Variants in SLC2A9 observed in about 807,000 individuals in gnomAD.
SLC2A9 encodes the protein solute carrier family 2 member 9, also known as solute carrier family 2, facilitated glucose transporter member 9.
In SLC2A9, 39 loss-of-function variants were observed where a neutral mutation model predicts 50.6. The observed-to-expected ratio is 0.77, with a 90% CI of 0.60 to 1.01. SLC2A9 has a LOEUF of 1.01. Among genes scored for constraint, SLC2A9 ranks in the 50% least tolerant of loss-of-function variants. The pLI, the probability that SLC2A9 is intolerant of heterozygous loss-of-function variation, is 0.00. For missense variants in SLC2A9, 686 were observed against 677.6 expected, an observed-to-expected ratio of 1.01 and a Z score of -0.14; for synonymous variants, 324 against 276.9, an observed-to-expected ratio of 1.17 and a Z score of -1.69.
chr4:9,771,324 C>T (rs1162142756), exon 2 of SLC2A9: 4 of 391,232 alleles, frequency 1.0e-5, no homozygotes, highest in African/African-American at 8.3e-5. Flanking sequence ...ACTCAGGTAT[C>T]CAGGCACATT....
At chr4:9,843,454 A>T (rs1728423224) in intron 10 of SLC2A9, among the ~76,000 whole-genome samples, 1 of 152,052 alleles carries the variant, frequency 6.6e-6, no homozygotes. Flanking sequence ...TGGGGGTCTT[A>T]TGCTAAAGTT....
At position 9,799,700 on chromosome 4, in the gene SLC2A9, C is replaced by CCCT. The variant is rs1553813199; in HGVS notation, n.421-460_421-459insAGG. Among the ~76,000 whole-genome samples the CCCT allele has an allele frequency of 3.2e-5, 3 of 93,636 alleles. 1 individual carries two copies. The East Asian group carries it at 9.9e-4, about 31-fold the overall frequency. The allele number at this position is 93,636 out of a possible 152,430, so 61.4% of individuals were successfully genotyped here. A position where few individuals can be genotyped will look rare whatever the true frequency, so the allele number is the denominator to read the frequency against. ...AGCTCCATTCCAATTGTACCCCCCCCCCACCCAACTTCTACACCAGTTTTG... is the reference window on the plus strand; with the variant it reads ...AGCTCCATTCCAATTGTACCCCCCCCCCTCCACCCAACTTCTACACCAGTTTTG... On this transcript the variant is annotated intron_variant and non_coding_transcript_variant, in intron 3 of 3. Coordinates refer to the SLC2A9 transcript ENST00000503280.
At chr4:9,936,960 G>A (rs1487124593) in intron 6 of SLC2A9, among the ~76,000 whole-genome samples, 1 of 152,190 alleles carries the variant, frequency 6.6e-6, no homozygotes, top group Non-Finnish European at 1.5e-5. Flanking sequence ...GAGACTCAAA[G>A]CACAGGGATG....
intron 1 of SLC2A9, among the ~76,000 whole-genome samples, chr4:10,026,507 C>T (rs7669090): frequency 0.76 from 115,938 of 152,044 alleles, 44,591 homozygotes; most frequent in Non-Finnish European, 0.82. Context: ...ATTCCACCAC[C>T]ACATCGATGC....
At chr4:9,782,835 C>A (rs538877978) in intron 3 of SLC2A9, 5 of 1,612,858 alleles carry the variant, frequency 3.1e-6, no homozygotes, top group Admixed American at 1.7e-5. Flanking sequence ...GCAGAGCACG[C>A]GCAGAGCTGC....
At chr4:9,929,374 C>T (rs1416547528) in intron 6 of SLC2A9, among the ~76,000 whole-genome samples, 4 of 152,290 alleles carry the variant, frequency 2.6e-5, no homozygotes, top group East Asian at 1.9e-4. Flanking sequence ...ATCAGTTCTG[C>T]GGGGCTTCTG....
intron 6 of SLC2A9, among the ~76,000 whole-genome samples, 182 bp from the exon 7 acceptor site, chr4:9,920,754 C>T (rs1462210850): frequency 3.3e-5 from 5 of 152,268 alleles, no homozygotes; most frequent in South Asian, 2.1e-4. Context: ...AAAACAGAGG[C>T]CCAGAGAGAT....
chr4:9,862,642 C>T (rs1381901716), intron 10 of SLC2A9, among the ~76,000 whole-genome samples: 3 of 151,964 alleles, frequency 2.0e-5, no homozygotes, highest in African/African-American at 4.8e-5. Flanking sequence ...CACATTCTTC[C>T]CCTACATCCT....
intron 5 of SLC2A9, among the ~76,000 whole-genome samples, chr4:9,948,395 G>A (rs1749589797): frequency 6.6e-6 from 1 of 152,230 alleles, no homozygotes; most frequent in Admixed American, 6.5e-5. Context: ...TGACTCTAAT[G>A]TAGAGCTATT....
At chr4:9,833,450 T>G (rs769641795) in intron 11 of SLC2A9, among the ~76,000 whole-genome samples, 1 of 152,184 alleles carries the variant, frequency 6.6e-6, no homozygotes, top group African/African-American at 2.4e-5. Context: ...GGACCTGGGC[T>G]GACCATGTCT....
intron 6 of SLC2A9, among the ~76,000 whole-genome samples, chr4:9,929,005 G>A (rs1419429434): frequency 1.3e-5 from 2 of 152,208 alleles, no homozygotes; most frequent in African/African-American, 4.8e-5. Context: ...CGGGATTACA[G>A]GTTGAAGCCG....
At chr4:9,782,002 A>G (rs1210989602) in intron 3 of SLC2A9, 15 of 1,432,418 alleles carry the variant, frequency 1.0e-5, no homozygotes, top group Non-Finnish European at 1.0e-5. Context: ...GGGACCGCGC[A>G]CAGACCGCCC....
chr4:9,852,069 A>C (rs1371684166), intron 10 of SLC2A9, among the ~76,000 whole-genome samples: 1 of 152,204 alleles, frequency 6.6e-6, no homozygotes, highest in African/African-American at 2.4e-5. Flanking sequence ...TATAAGATGA[A>C]CATCCCCAAG....
intron 3 of SLC2A9, among the ~76,000 whole-genome samples, chr4:9,816,659 T>C (rs1723635446): frequency 6.6e-6 from 1 of 152,190 alleles, no homozygotes; most frequent in Admixed American, 6.5e-5. Context: ...ATCTTAGATG[T>C]ATGCAATTTC....
At chr4:9,859,510 A>G (rs999641785) in intron 10 of SLC2A9, among the ~76,000 whole-genome samples, 3 of 152,236 alleles carry the variant, frequency 2.0e-5, no homozygotes, top group Non-Finnish European at 4.4e-5. Context: ...AAATTGATAA[A>G]TGGTTTTTCT....
At chr4:9,924,833 T>C (rs531285395) in intron 6 of SLC2A9, among the ~76,000 whole-genome samples, 415 of 152,256 alleles carry the variant, frequency 2.7e-3, no homozygotes, top group African/African-American at 9.7e-3. Flanking sequence ...ATTTGTCTGA[T>C]CTAGTGACTA....
At chr4:9,990,752 T>C (rs1757564627) in intron 3 of SLC2A9, among the ~76,000 whole-genome samples, 1 of 152,216 alleles carries the variant, frequency 6.6e-6, no homozygotes, top group African/African-American at 2.4e-5. Context: ...TCCCGAAGTC[T>C]TCTGGTCTTA....
chr4:9,819,481 G>C (rs185107461), intron 3 of SLC2A9, among the ~76,000 whole-genome samples: 4 of 152,294 alleles, frequency 2.6e-5, no homozygotes, highest in African/African-American at 9.6e-5. Flanking sequence ...CCTTGTGCCT[G>C]TTCATAGCTT....
At chr4:9,872,541 C>A (rs540315635) in intron 10 of SLC2A9, among the ~76,000 whole-genome samples, 6 of 152,204 alleles carry the variant, frequency 3.9e-5, no homozygotes, top group African/African-American at 7.2e-5. Flanking sequence ...GTTGCTATAT[C>A]GCTTGCTATC....
Sources: allele counts gnomAD v4.1 joint callset (sites outside exome capture counted in the v4.1 genomes callset), GRCh38; gene constraint gnomAD v4.1.1; transcripts MANE v1.5; gene names NCBI Gene and HGNC (gene_info 2026-07-23, HGNC 2026-07-21).